The following MCHR2 variants were observed in gnomAD, a reference collection of about 807,000 sequenced individuals.
MCHR2 encodes melanin-concentrating hormone receptor 2.
A neutral mutation model predicts 24.8 loss-of-function variants in MCHR2; 15 were observed. The ratio of observed to expected loss-of-function variants is 0.60; its 90% CI spans 0.40 to 0.93. The LOEUF (loss-of-function observed/expected upper bound fraction) is 0.93, where lower values mean the gene tolerates loss of function less well. MCHR2 is among the 40% of genes least tolerant of loss of function. The probability of loss-of-function intolerance (pLI) is 0.00; values close to 1 mark genes in which losing one functional copy is unlikely to be tolerated. For missense variants in MCHR2, 386 were observed against 408.7 expected (o/e 0.94, Z 0.48); for synonymous variants, 151 against 147.6 (o/e 1.02, Z -0.17).
At chr6:99,981,725 C>T (rs775557886) in intron 1 of MCHR2, among the ~76,000 whole-genome samples, 12 of 152,156 alleles carry the variant, frequency 7.9e-5, no homozygotes, top group Non-Finnish European at 1.6e-4. Flanking sequence ...TGTGCTTTCT[C>T]TCATGTTCTC....
intron 1 of MCHR2, among the ~76,000 whole-genome samples, chr6:99,962,931 G>A (rs1440892562): frequency 6.6e-6 from 1 of 151,886 alleles, no homozygotes. Flanking sequence ...TTAAAAAATG[G>A]GCAAGTAACC....
intron 5 of MCHR2, among the ~76,000 whole-genome samples, chr6:99,927,844 A>T (rs1380098896): frequency 6.6e-6 from 1 of 152,118 alleles, no homozygotes; most frequent in Non-Finnish European, 1.5e-5. Flanking sequence ...CTCCTGCATA[A>T]TTGCCCTGGC....
chr6:99,991,080 G>T (rs1775863451), intron 1 of MCHR2, among the ~76,000 whole-genome samples: 1 of 151,888 alleles, frequency 6.6e-6, no homozygotes, highest in African/African-American at 2.4e-5. Flanking sequence ...ATATGCCAAT[G>T]GTTCTGAAAT....
chr6:99,931,673 C>T (rs1362017768), intron 5 of MCHR2, among the ~76,000 whole-genome samples: 2 of 152,160 alleles, frequency 1.3e-5, no homozygotes, highest in Non-Finnish European at 2.9e-5. Context: ...GGTGTGCCGT[C>T]TCCTAAGCCC....
intron 3 of MCHR2, among the ~76,000 whole-genome samples, chr6:99,944,980 C>T (rs1210001913): frequency 1.3e-5 from 2 of 152,130 alleles, no homozygotes; most frequent in African/African-American, 4.8e-5. Flanking sequence ...TCTTCTTGCT[C>T]TTCCTTCAAG....
intron 1 of MCHR2, among the ~76,000 whole-genome samples, chr6:99,956,734 G>A (rs1390976999): frequency 6.6e-6 from 1 of 152,040 alleles, no homozygotes; most frequent in African/African-American, 2.4e-5. Context: ...GCCAGCGGAG[G>A]CACCATGTGC....
intron 1 of MCHR2, among the ~76,000 whole-genome samples, chr6:99,975,082 C>T (rs1353477379): frequency 6.6e-6 from 1 of 152,174 alleles, no homozygotes; most frequent in East Asian, 1.9e-4. Context: ...CTGGGAGAAC[C>T]ACTACTCTCT....
chr6:99,961,072 A>G (rs1775173979), intron 1 of MCHR2, among the ~76,000 whole-genome samples: 1 of 152,158 alleles, frequency 6.6e-6, no homozygotes, highest in Non-Finnish European at 1.5e-5. Flanking sequence ...AAATTTTGCA[A>G]TCTACCCATC....
chr6:99,974,010 A>T (rs1269609162), intron 1 of MCHR2, among the ~76,000 whole-genome samples: 1 of 151,936 alleles, frequency 6.6e-6, no homozygotes, highest in African/African-American at 2.4e-5. Flanking sequence ...CTTCATTTCA[A>T]CTTTGGTGAA....
At chr6:99,947,401 T>C (rs1774890446) in intron 3 of MCHR2, among the ~76,000 whole-genome samples, 1 of 152,140 alleles carries the variant, frequency 6.6e-6, no homozygotes, top group African/African-American at 2.4e-5. Flanking sequence ...TATGTGCTTC[T>C]AGCAAATCTC....
intron 3 of MCHR2, among the ~76,000 whole-genome samples, 196 bp from the exon 4 acceptor site, chr6:99,943,339 TTTA>T (rs978438595): frequency 2.7e-5 from 4 of 150,642 alleles, no homozygotes; most frequent in Admixed American, 6.6e-5. Context: ...TTTATTTATT[TTTA>T]TTATTATTAT....
rs768847556 is a variant in MCHR2 at position 99,920,914 on chromosome 6, A to G, written c.*26T>C. The G allele has an allele frequency of 1.4e-5, 23 of 1,603,804 alleles. No homozygotes were observed. In the Admixed American group the frequency reaches 3.9e-4, roughly 27 times the overall value. The stretch of plus-strand genomic sequence containing the variant: ...ACCAGTAAGATAGACAATCATGTCT[A>G]GACTCATGGTGATCCATGTACTTTC... On this transcript the variant is annotated 3_prime_UTR_variant, in exon 6 of 6. Coordinates refer to ENST00000281806, the MANE Select transcript of MCHR2 (RefSeq NM_001040179.2).
In MCHR2 at chr6:99,940,354, G is replaced by A. The variant is rs547287630; in HGVS notation, c.587+2595C>T. Among the ~76,000 whole-genome samples the A allele has an allele frequency of 5.0e-4, 76 of 151,862 alleles. 1 individual carries two copies. In the South Asian group the frequency reaches 0.011, roughly 22 times the overall value. ...ACTAATTCTTTCCTTTGCTTGACCCGTTCTGCTGTTGAGAATTTTTAGTAA... is the reference window on the plus strand; with the variant it reads ...ACTAATTCTTTCCTTTGCTTGACCCATTCTGCTGTTGAGAATTTTTAGTAA... On this transcript the variant is annotated intron_variant, in intron 4 of 5. Transcript: ENST00000281806.
In MCHR2 at chr6:99,947,829, T is replaced by G; in HGVS notation, c.325A>C (p.Ile109Leu). 1 of 1,613,824 alleles carries G rather than the reference T, an allele frequency of 6.2e-7. No homozygotes were observed. Among genetic ancestry groups the G allele is most frequent in the Non-Finnish European group, 8.5e-7 (1 of 1,179,798 alleles). ...TGGTTACAAGTATCCAGGGATGTGA[T>G]GATGGTGCAGAGAGGCCCCCCAAAC... ...WVFGGPLCTI[I>L]TSLDTCNQFA... The change falls in exon 3 of 6, where the codon ATC becomes CTC. Residue 109 changes from isoleucine (I) to leucine (L), a missense_variant. By Grantham distance (5) the Ile-to-Leu change is conservative. Coordinates refer to ENST00000281806, the MANE Select transcript of MCHR2 (RefSeq NM_001040179.2).
chr6:99,958,291 A>G (rs571903048), intron 1 of MCHR2, among the ~76,000 whole-genome samples: 1 of 151,866 alleles, frequency 6.6e-6, no homozygotes, highest in South Asian at 2.1e-4. Context: ...AAATGGAAAA[A>G]CCAATCTCAC....
rs1470997164 is a variant in MCHR2 at position 99,955,990 on chromosome 6, A to T, written c.158T>A (p.Ile53Asn). The T allele has an allele frequency of 1.2e-6, 2 of 1,609,132 alleles. No individual in the cohort carries two copies. Among genetic ancestry groups the T allele is most frequent in the Admixed American group, 1.7e-5 (1 of 59,168 alleles). ...IICSTGLVGNILIVFTIIRSR... is the reference protein window; with the variant it reads ...IICSTGLVGNNLIVFTIIRSR... ...CCTTATTATAGTGAATACAATGAGG[A>T]TGTTGCCAACCAGCCCTGTTGAACA... is the stretch of plus-strand genomic sequence containing the variant. Residue 53 changes from isoleucine (I) to asparagine (N), a missense_variant, in exon 2 of 6, where the codon ATC becomes AAC. Coordinates refer to ENST00000281806, the MANE Select transcript of MCHR2 (RefSeq NM_001040179.2).
At chr6:99,970,259 G>T (rs1775378104) in intron 1 of MCHR2, among the ~76,000 whole-genome samples, 1 of 152,040 alleles carries the variant, frequency 6.6e-6, no homozygotes. Flanking sequence ...ATTCAAACTG[G>T]TGTGAGATGG....
intron 1 of MCHR2, among the ~76,000 whole-genome samples, chr6:99,966,176 A>G (rs1185945218): frequency 2.0e-5 from 3 of 152,168 alleles, no homozygotes; most frequent in Non-Finnish European, 4.4e-5. Context: ...GTTAAATAAT[A>G]CTGTGTGTGG....
chr6:99,928,368 G>T (rs1277046300), intron 5 of MCHR2, among the ~76,000 whole-genome samples: 4 of 152,158 alleles, frequency 2.6e-5, no homozygotes, highest in Non-Finnish European at 4.4e-5. Flanking sequence ...AGTTAGGGAG[G>T]ATTCCCTCTT....
Sources: allele counts gnomAD v4.1 joint callset (sites outside exome capture counted in the v4.1 genomes callset), GRCh38; gene constraint gnomAD v4.1.1; transcripts MANE v1.5; gene names NCBI Gene and HGNC (gene_info 2026-07-23, HGNC 2026-07-21).